CRB1: variants seen among roughly 807,000 people sequenced by gnomAD.
CRB1 encodes protein crumbs homolog 1.
Under a neutral mutation model 120.0 loss-of-function variants are expected in CRB1, and 83 were observed. That is an observed-to-expected ratio of 0.69 (90% CI 0.58 to 0.83). The LOEUF is 0.83. Among genes scored for constraint, CRB1 ranks in the 40% least tolerant of loss-of-function variants. The pLI, the probability that CRB1 is intolerant of heterozygous loss-of-function variation, is 0.00. For synonymous variants in CRB1, 625 were observed against 612.5 expected, an observed-to-expected ratio of 1.02 and a Z score of -0.30; for missense variants, 1,699 against 1,687.6, an observed-to-expected ratio of 1.01 and a Z score of -0.12.
upstream of CRB1, among the ~76,000 whole-genome samples, chr1:197,263,980 AT>A (rs140232984): frequency 0.03 from 4,597 of 152,118 alleles, 225 homozygotes; most frequent in African/African-American, 0.1. Flanking sequence ...ATCTCTTAAA[AT>A]TTTTTATTTG....
At chr1:197,360,606 T>C (rs1660722102) in intron 5 of CRB1, 1 of 152,220 alleles carries the variant, frequency 6.6e-6, no homozygotes, top group Non-Finnish European at 1.5e-5. Context: ...AGATGCCACT[T>C]GCCAAAGAGC....
chr1:197,380,557 G>C (rs944022808), intron 5 of CRB1, among the ~76,000 whole-genome samples: 4 of 152,240 alleles, frequency 2.6e-5, no homozygotes, highest in South Asian at 2.1e-4. Flanking sequence ...ACACAAATAG[G>C]TAAGAACATC....
intron 9 of CRB1, among the ~76,000 whole-genome samples, chr1:197,436,584 C>G (rs1460078687): frequency 6.6e-6 from 1 of 151,774 alleles, no homozygotes; most frequent in South Asian, 2.1e-4. Flanking sequence ...AAAGGACAAT[C>G]TAAAGAATAT....
chr1:197,304,518 A>T (rs773242438), intron 1 of CRB1: 3 of 313,900 alleles, frequency 9.6e-6, no homozygotes, highest in Non-Finnish European at 1.4e-5. Flanking sequence ...TGTGGTAGAT[A>T]CTATGGGTTG....
intron 1 of CRB1, among the ~76,000 whole-genome samples, chr1:197,277,342 G>T (rs1655266209): frequency 6.6e-6 from 1 of 151,836 alleles, no homozygotes; most frequent in Non-Finnish European, 1.5e-5. Context: ...CAGAATTCTT[G>T]GAACCTTTAA....
chr1:197,438,562 C>T lies in CRB1; in HGVS notation c.3765C>T (p.Pro1255=), dbSNP rs1175098520. The part of the protein sequence containing the change: ...TGKFCRQSRL[P]STVCGNEKTN... ...ATCTCTCTAGACAGAGCAGATTACCCTCAACAGTCTGTGGGAATGAGAAGA... is the reference window on the plus strand; with the variant it reads ...ATCTCTCTAGACAGAGCAGATTACCTTCAACAGTCTGTGGGAATGAGAAGA... The change falls in exon 10 of 12, where the codon CCC becomes CCT. Residue 1255 remains proline, a synonymous_variant. Coordinates refer to ENST00000367400, the MANE Select transcript of CRB1 (RefSeq NM_201253.3). The T allele has an allele frequency of 6.2e-7, 1 of 1,612,372 alleles. No individual in the cohort carries two copies. Among genetic ancestry groups the T allele is most frequent in the Non-Finnish European group, 8.5e-7 (1 of 1,178,814 alleles).
Position 197,421,767 on chromosome 1 carries a change from A to C in CRB1, c.1939A>C (p.Lys647Gln). 6.2e-7 allele frequency: 1 copy of C among 1,614,186 alleles called. No individual in the cohort carries two copies. Among genetic ancestry groups the C allele is most frequent in the Non-Finnish European group, 8.5e-7 (1 of 1,180,002 alleles). ...GTTTGTAGGCTGTCTCCAAGACATT[A>C]AAATTGATTGGAATCACATTACCCT... ...PSFVGCLQDI[K>Q]IDWNHITLEN... The change falls in exon 6 of 12, where the codon AAA becomes CAA. Residue 647 changes from lysine to glutamine, a missense_variant. By Grantham distance (53) the Lys-to-Gln change is moderately conservative. Coordinates refer to ENST00000367400, the MANE Select transcript of CRB1 (RefSeq NM_201253.3).
chr1:197,461,363 G>A (rs1351715006), intron 11 of CRB1, among the ~76,000 whole-genome samples: 4 of 152,054 alleles, frequency 2.6e-5, no homozygotes, highest in Admixed American at 6.6e-5. Flanking sequence ...CCGTGGCTGG[G>A]GAAGACAGAG....
intron 5 of CRB1, among the ~76,000 whole-genome samples, chr1:197,389,086 A>G (rs1662360885): frequency 6.6e-6 from 1 of 152,108 alleles, no homozygotes; most frequent in Non-Finnish European, 1.5e-5. Flanking sequence ...TGTGGAGAAA[A>G]TGGAACCCTT....
In CRB1 at chr1:197,421,072, T is replaced by C. The variant is rs760419335; in HGVS notation, c.1244T>C (p.Leu415Ser). 2 of 1,614,222 alleles carry C rather than the reference T, an allele frequency of 1.2e-6. No homozygotes were observed. The highest frequency in any genetic ancestry group is 1.7e-6 in the Non-Finnish European group (2 of 1,180,044). The change falls in exon 6 of 12, where the codon TTG (leucine) becomes TCG (serine). Residue 415 changes from leucine to serine, a missense_variant. By Grantham distance (145) the Leu-to-Ser change is moderately radical. Coordinates refer to ENST00000367400, the MANE Select transcript of CRB1 (RefSeq NM_201253.3). ...CAAAATGGTGGTACTTGTGAGAACT[T>C]GCCTGGGAATTATACTTGCCATTGC... ...PCQNGGTCEN[L>S]PGNYTCHCPF... is the part of the protein sequence containing the mutation.
At chr1:197,474,916 C>T (rs190376124) in intron 11 of CRB1, among the ~76,000 whole-genome samples, 1 of 152,246 alleles carries the variant, frequency 6.6e-6, no homozygotes, top group African/African-American at 2.4e-5. Flanking sequence ...TGTGTCCCAG[C>T]CTTTTGACCT....
At chr1:197,205,690 G>A in the CRB1 span, among the ~76,000 whole-genome samples, 3 of 152,070 alleles carry the variant, frequency 2.0e-5, no homozygotes, top group South Asian at 2.1e-4. Context: ...TTTCATCAGG[G>A]ATATTGATCT....
chr1:197,469,704 G>A (rs1315181622), intron 11 of CRB1, among the ~76,000 whole-genome samples: 1 of 152,186 alleles, frequency 6.6e-6, no homozygotes, highest in African/African-American at 2.4e-5. Flanking sequence ...CTAATGTCCA[G>A]TAGTTCACCT....
intron 5 of CRB1, among the ~76,000 whole-genome samples, chr1:197,373,737 C>T (rs935612842): frequency 6.6e-6 from 1 of 152,136 alleles, no homozygotes. Context: ...TTCCATATCT[C>T]AATGATGCCA....
At chr1:197,392,373 G>A (rs1308438251) in intron 5 of CRB1, among the ~76,000 whole-genome samples, 2 of 152,030 alleles carry the variant, frequency 1.3e-5, no homozygotes, top group African/African-American at 4.8e-5. Flanking sequence ...AGAAAACCAG[G>A]TTAACAGGAT....
chr1:197,264,950 T>C (rs939695932), upstream of CRB1, among the ~76,000 whole-genome samples: 1 of 152,108 alleles, frequency 6.6e-6, no homozygotes, highest in Non-Finnish European at 1.5e-5. Context: ...TTGTTTAACA[T>C]ATTTTCTCAA....
At chr1:197,214,796 G>A in the CRB1 span, among the ~76,000 whole-genome samples, 25 of 151,314 alleles carry the variant, frequency 1.7e-4, no homozygotes, top group African/African-American at 5.6e-4. Flanking sequence ...CCAAAAACTC[G>A]AAGAGAAAGA....
At chr1:197,378,061 G>A (rs1427967763) in intron 5 of CRB1, among the ~76,000 whole-genome samples, 1 of 152,154 alleles carries the variant, frequency 6.6e-6, no homozygotes, top group African/African-American at 2.4e-5. Context: ...TTAAGACAGA[G>A]CCACAAGGTT....
intron 1 of CRB1, among the ~76,000 whole-genome samples, chr1:197,301,052 A>G (rs1330013086): frequency 6.6e-6 from 1 of 152,042 alleles, no homozygotes; most frequent in East Asian, 1.9e-4. Flanking sequence ...ATTTCAAAAC[A>G]TTACTGCTCA....
Sources: gnomAD v4.1 joint callset for allele counts (sites outside exome capture counted in the v4.1 genomes callset) on GRCh38, gnomAD v4.1.1 for gene constraint, MANE v1.5 for transcripts, NCBI Gene and HGNC (gene_info 2026-07-23, HGNC 2026-07-21) for gene names.